Variants in GOLGA6L22 observed in about 807,000 individuals in gnomAD.
GOLGA6L22 encodes golgin A6 family like 22, also known as golgin subfamily A member 6-like protein 22.
Under a neutral mutation model 77.1 loss-of-function variants are expected in GOLGA6L22, and 28 were observed. The observed-to-expected ratio is 0.36, with a 90% confidence interval of 0.27 to 0.50. GOLGA6L22 has a LOEUF of 0.50. GOLGA6L22 is among the 20% of genes least tolerant of loss of function. The pLI, the probability that GOLGA6L22 is intolerant of heterozygous loss-of-function variation, is 0.97. For synonymous variants in GOLGA6L22, 62 were observed against 185.3 expected, an observed-to-expected ratio of 0.33 and a Z score of 5.41; for missense variants, 250 against 620.4, an observed-to-expected ratio of 0.40 and a Z score of 6.34.
intron 5 of GOLGA6L22, among the ~76,000 whole-genome samples, chr15:22,463,362 C>A (rs1284336342): frequency 1.4e-5 from 2 of 143,818 alleles, no homozygotes; most frequent in African/African-American, 5.3e-5. Flanking sequence ...CTTTGAAAAA[C>A]AAATGAGGGC....
chr15:22,466,479 G>A (rs1251564296), exon 8 of GOLGA6L22: 9 of 666,712 alleles, frequency 1.3e-5, no homozygotes, highest in South Asian at 3.2e-5. Flanking sequence ...AAGAAGATAC[G>A]GGAGCAGGAG....
chr15:22,463,542 T>A (rs1274174290), intron 5 of GOLGA6L22, among the ~76,000 whole-genome samples: 2 of 130,168 alleles, frequency 1.5e-5, no homozygotes, highest in African/African-American at 6.2e-5. Flanking sequence ...TCCCAACTAC[T>A]CGGGAAGCTG....
Position 22,460,961 on chromosome 15 carries a change from T to G in GOLGA6L22, c.180+13T>G. ...CTCGCCTGAGGATGTGAGTCTTGGC[T>G]GGCCGGGCTCCTGGGGACAGAGGGC... On this transcript the variant is annotated intron_variant, in intron 2 of 8. Transcript: ENST00000622895. The G allele has an allele frequency of 6.6e-7, 1 of 1,504,154 alleles. No homozygotes were observed. The highest frequency in any genetic ancestry group is 9.0e-7 in the Non-Finnish European group (1 of 1,116,170). 93.2% of individuals were successfully genotyped at this position (1,504,154 alleles called of 1,614,324 possible).
At chr15:22,459,072 C>G (rs1186714344), upstream of GOLGA6L22, 97 of 100,068 alleles carry the variant, frequency 9.7e-4, no homozygotes, top group Middle Eastern at 8.8e-3. Flanking sequence ...CCATCCCCAC[C>G]TCCCTACCCA....
chr15:22,465,498 G>A (rs1162053353), exon 8 of GOLGA6L22: 5 of 408,798 alleles, frequency 1.2e-5, no homozygotes, highest in South Asian at 7.4e-5. Flanking sequence ...GAGAAGATAC[G>A]GGAGCAGGAG....
chr15:22,468,796 C>T (rs1887775533), exon 9 of GOLGA6L22: 1 of 42,954 alleles, frequency 2.3e-5, no homozygotes, highest in East Asian at 5.7e-4. Context: ...CCTCAGCCTC[C>T]CAAAGTGCTG....
chr15:22,465,784 G>C lies in GOLGA6L22; in HGVS notation c.1392G>C (p.Glu464Asp), dbSNP rs1433273101. 12 of 1,410,200 alleles carry C rather than the reference G, an allele frequency of 8.5e-6. 1 individual carries two copies. The Admixed American group carries it at 2.5e-4, about 29-fold the overall frequency. 87.4% of individuals were successfully genotyped at this position (1,410,200 alleles called of 1,614,324 possible). A position where few individuals can be genotyped will look rare whatever the true frequency, so the allele number is the denominator to read the frequency against. ...GGAGGCAGGAGGAGAAGATACGGGA[G>C]CAGGAGAAGAAACGGGAGCAGGAGG... The change falls in exon 8 of 9, where the codon GAG becomes GAC. Residue 464 changes from glutamate (E) to aspartate (D), a missense_variant. Coordinates refer to ENST00000622895, the Ensembl canonical transcript of GOLGA6L22.
chr15:22,466,924 A>C, intron 8 of GOLGA6L22, 99 bp downstream of exon 8: 1 of 401,332 alleles, frequency 2.5e-6, no homozygotes, highest in Non-Finnish European at 4.2e-6. Flanking sequence ...CCTGGAGATC[A>C]TACAGAACGA....
At chr15:22,466,157 G>A (rs1369095098) in exon 8 of GOLGA6L22, 5 of 937,964 alleles carry the variant, frequency 5.3e-6, no homozygotes, top group Non-Finnish European at 8.0e-6. Flanking sequence ...AGAGCAGGAG[G>A]AGATGATGCA....
At chr15:22,464,917 G>C (rs1414479881) in intron 7 of GOLGA6L22, 106 bp from the exon 8 acceptor site, 1 of 767,626 alleles carries the variant, frequency 1.3e-6, no homozygotes, top group Non-Finnish European at 2.1e-6. Context: ...AAAGTGCTGG[G>C]ATTACAGGCG....
chr15:22,466,439 A>G (rs1887724141), exon 8 of GOLGA6L22: 1 of 1,051,734 alleles, frequency 9.5e-7, no homozygotes. Context: ...GAAGATGCGG[A>G]GGCAGGAGGA....
chr15:22,464,711 C>T (rs1208815392), intron 7 of GOLGA6L22, among the ~76,000 whole-genome samples: 2 of 129,714 alleles, frequency 1.5e-5, no homozygotes, highest in Admixed American at 7.9e-5. Context: ...TGCAGTGGCG[C>T]AATCTCGGCT....
exon 8 of GOLGA6L22, chr15:22,466,408 G>T (rs758747920): frequency 7.2e-7 from 1 of 1,395,094 alleles, no homozygotes; most frequent in East Asian, 2.5e-5. Context: ...AGCAGGAAGA[G>T]AAGATGCAAG....
intron 7 of GOLGA6L22, among the ~76,000 whole-genome samples, chr15:22,464,785 C>G (rs1887625304): frequency 7.9e-6 from 1 of 127,182 alleles, no homozygotes; most frequent in Non-Finnish European, 1.6e-5. Context: ...GTAGCTGGGA[C>G]TACAGGTGCC....
chr15:22,462,006 T>G (rs773921001), intron 2 of GOLGA6L22, 28 bp from the exon 3 acceptor site: 5 of 1,468,222 alleles, frequency 3.4e-6, no homozygotes, highest in Non-Finnish European at 4.5e-6. Context: ...CTACCCCTAG[T>G]AAGAGCTCTG....
At chr15:22,466,588 G>T in exon 8 of GOLGA6L22, 1 of 1,065,172 alleles carries the variant, frequency 9.4e-7, no homozygotes, top group Non-Finnish European at 1.3e-6. Context: ...AGATGCGGAG[G>T]CAGGAGGAGA....
exon 8 of GOLGA6L22, chr15:22,465,861 G>C: frequency 7.2e-7 from 1 of 1,397,940 alleles, no homozygotes; most frequent in Non-Finnish European, 9.4e-7. Flanking sequence ...GAGAAGATAC[G>C]GGAGCAGGAG....
intron 5 of GOLGA6L22, among the ~76,000 whole-genome samples, chr15:22,463,038 A>G (rs1887569602): frequency 7.4e-6 from 1 of 135,534 alleles, no homozygotes; most frequent in African/African-American, 3.1e-5. Flanking sequence ...CTCCAGCGAA[A>G]GAATGGGCTT....
At position 22,461,928 on chromosome 15, in the gene GOLGA6L22, C is replaced by T. The variant is rs1374118249; in HGVS notation, c.181-106C>T. On this transcript the variant is annotated intron_variant, in intron 2 of 8. Transcript: ENST00000622895. ...CCACAGGGTCCCTGATAAACTGGTC[C>T]CATGGGTGGGCCTGTTCTGGGACAG... 8 of 1,145,354 alleles carry T rather than the reference C, an allele frequency of 7.0e-6. 2 individuals carry two copies. The African/African-American group carries it at 1.7e-4, about 25-fold the overall frequency. The allele number at this position is 1,145,354 out of a possible 1,614,324, so 70.9% of individuals were successfully genotyped here.
Sources: gnomAD v4.1 joint callset for allele counts (sites outside exome capture counted in the v4.1 genomes callset) on GRCh38, gnomAD v4.1.1 for gene constraint, MANE v1.5 for transcripts, NCBI Gene and HGNC (gene_info 2026-07-23, HGNC 2026-07-21) for gene names.